TPD52L1: variants seen among roughly 807,000 people sequenced by gnomAD.
TPD52L1 encodes the protein tumor protein D53.
A neutral mutation model predicts 28.7 loss-of-function variants in TPD52L1; 18 were observed. The observed-to-expected ratio is 0.63, with a 90% CI of 0.43 to 0.93. The LOEUF (loss-of-function observed/expected upper bound fraction) is 0.93, where lower values mean the gene tolerates loss of function less well. Among genes scored for constraint, TPD52L1 ranks in the 40% least tolerant of loss-of-function variants. The pLI is 0.00. For missense variants in TPD52L1, 203 were observed against 254.8 expected, an observed-to-expected ratio of 0.80 and a Z score of 1.39; for synonymous variants, 75 against 88.8, an observed-to-expected ratio of 0.84 and a Z score of 0.88.
chr6:125,184,071 A>G (rs950193621), intron 1 of TPD52L1, among the ~76,000 whole-genome samples: 1 of 152,180 alleles, frequency 6.6e-6, no homozygotes, highest in African/African-American at 2.4e-5. Flanking sequence ...TTACAGAGCC[A>G]TGGTAAGTGG....
chr6:125,202,234 G>GA lies in TPD52L1; in HGVS notation c.20-17835dup, dbSNP rs199776161. On this transcript the variant is annotated intron_variant, in intron 1 of 6. Coordinates refer to ENST00000534000, the MANE Select transcript of TPD52L1 (RefSeq NM_003287.4). Reference sequence around the variant, plus strand: ...CTATCCCTTTCTTTAAACATGCCTTGAAAAAAAAAGCTACATTTTGTCCTG... The same window carrying GA: ...CTATCCCTTTCTTTAAACATGCCTTGAAAAAAAAAAGCTACATTTTGTCCTG... Among the ~76,000 whole-genome samples the GA allele has an allele frequency of 1.5e-3, 223 of 150,628 alleles. 2 individuals are homozygous for GA. The East Asian group carries it at 0.022, about 15-fold the overall frequency.
At chr6:125,215,466 A>C (rs1794799715) in intron 1 of TPD52L1, among the ~76,000 whole-genome samples, 2 of 152,204 alleles carry the variant, frequency 1.3e-5, no homozygotes, top group African/African-American at 2.4e-5. Flanking sequence ...CCACTGGGAC[A>C]AGATGTAACA....
intron 2 of TPD52L1, among the ~76,000 whole-genome samples, chr6:125,228,441 T>C (rs1012013872): frequency 1.3e-5 from 2 of 152,240 alleles, no homozygotes; most frequent in Admixed American, 1.3e-4. Context: ...ACATACATCC[T>C]CTAATCCCTT....
intron 6 of TPD52L1, among the ~76,000 whole-genome samples, chr6:125,260,860 GAAAGAAAGA>G (rs1305695111): frequency 1.4e-5 from 2 of 143,808 alleles, no homozygotes; most frequent in Non-Finnish European, 3.0e-5. Flanking sequence ...GTGAGAGAGA[GAAAGAAAGA>G]AAAGAAAGAA....
chr6:125,172,128 C>CT (rs1161979767), intron 1 of TPD52L1, among the ~76,000 whole-genome samples: 1 of 62,126 alleles, frequency 1.6e-5, no homozygotes, highest in African/African-American at 9.1e-5. Flanking sequence ...TTCTTTCTTT[C>CT]TTTCTTTCTT....
intron 1 of TPD52L1, among the ~76,000 whole-genome samples, chr6:125,168,368 C>T: frequency 6.6e-6 from 1 of 152,200 alleles, no homozygotes; most frequent in South Asian, 2.1e-4. Context: ...GGGATATCTT[C>T]TCTTCTTAGT....
At chr6:125,180,512 G>T (rs1792111477) in intron 1 of TPD52L1, among the ~76,000 whole-genome samples, 3 of 151,748 alleles carry the variant, frequency 2.0e-5, no homozygotes, top group South Asian at 4.2e-4. Context: ...CAAATTAAAT[G>T]TGGCACACAG....
intron 3 of TPD52L1, among the ~76,000 whole-genome samples, chr6:125,245,432 T>C (rs771536415): frequency 2.6e-5 from 4 of 152,152 alleles, no homozygotes; most frequent in Non-Finnish European, 4.4e-5. Context: ...AGGGAGGTAT[T>C]CTGGTTTCTC....
At chr6:125,253,434 T>C in intron 4 of TPD52L1, 1 of 460,560 alleles carries the variant, frequency 2.2e-6, no homozygotes, top group Non-Finnish European at 3.9e-6. Context: ...TGGGCTCACC[T>C]GGGAGAAACC....
intron 6 of TPD52L1, among the ~76,000 whole-genome samples, chr6:125,259,357 T>G (rs1324429956): frequency 3.3e-5 from 5 of 152,262 alleles, no homozygotes; most frequent in African/African-American, 4.8e-5. Context: ...CATGTGGCAC[T>G]TGTACCAAAT....
At chr6:125,182,181 T>A (rs1792241234) in intron 1 of TPD52L1, among the ~76,000 whole-genome samples, 1 of 152,174 alleles carries the variant, frequency 6.6e-6, no homozygotes, top group African/African-American at 2.4e-5. Flanking sequence ...TATAAACATA[T>A]ATTACTTGGC....
rs1798156081 is a variant in TPD52L1, at chr6:125,263,169, A to G, written c.*207A>G. 3.4e-6 allele frequency: 2 copies of G among 580,878 alleles called. No individual in the cohort carries two copies. Among genetic ancestry groups the G allele is most frequent in the African/African-American group, 3.7e-5 (2 of 53,466 alleles). 36.0% of individuals were successfully genotyped at this position (580,878 alleles called of 1,614,324 possible). A position where few individuals can be genotyped will look rare whatever the true frequency, so the allele number is the denominator to read the frequency against. On this transcript the variant is annotated 3_prime_UTR_variant, in exon 7 of 7. Transcript: ENST00000534000. Reference sequence around the variant, plus strand: ...ACTTGACCATCACATTTCAGTATTCATAGATGACTGTCACATTTTAAAATG... The same window carrying G: ...ACTTGACCATCACATTTCAGTATTCGTAGATGACTGTCACATTTTAAAATG...
At chr6:125,203,463 G>A (rs778221097) in intron 1 of TPD52L1, among the ~76,000 whole-genome samples, 9 of 152,064 alleles carry the variant, frequency 5.9e-5, no homozygotes, top group Non-Finnish European at 1.3e-4. Context: ...ACAAATAATG[G>A]TTTGAAATAG....
intron 3 of TPD52L1, among the ~76,000 whole-genome samples, chr6:125,241,609 G>A (rs1796615599): frequency 6.6e-6 from 1 of 151,968 alleles, no homozygotes. Flanking sequence ...TAGTTTGTGT[G>A]CATGAAGGTA....
intron 3 of TPD52L1, among the ~76,000 whole-genome samples, chr6:125,230,548 A>G (rs1260278550): frequency 1.3e-5 from 2 of 152,164 alleles, no homozygotes; most frequent in Non-Finnish European, 2.9e-5. Flanking sequence ...AAGAGGTACC[A>G]ATAATTGACA....
intron 1 of TPD52L1, among the ~76,000 whole-genome samples, chr6:125,163,591 A>C (rs1790670121): frequency 6.6e-6 from 1 of 151,574 alleles, no homozygotes; most frequent in Admixed American, 6.6e-5. Context: ...CTAAAAAAAA[A>C]AAAAAAGAAC....
chr6:125,239,979 A>G (rs534602604), intron 3 of TPD52L1, among the ~76,000 whole-genome samples: 1 of 152,308 alleles, frequency 6.6e-6, no homozygotes, highest in East Asian at 1.9e-4. Context: ...TAAGTCTCAC[A>G]TTCATCTTGA....
chr6:125,209,737 G>C (rs1049571763), intron 1 of TPD52L1, among the ~76,000 whole-genome samples: 1 of 152,118 alleles, frequency 6.6e-6, no homozygotes, highest in Non-Finnish European at 1.5e-5. Context: ...AGGGGGCTGG[G>C]CTCAGGGAAA....
At chr6:125,257,044 G>A in intron 5 of TPD52L1, 54 bp from the exon 6 acceptor site, 1 of 1,507,134 alleles carries the variant, frequency 6.6e-7, no homozygotes, top group Non-Finnish European at 9.1e-7. Flanking sequence ...AAACAGCATG[G>A]TTGCTAAGAC....
Sources: gnomAD v4.1 joint callset for allele counts (sites outside exome capture counted in the v4.1 genomes callset) on GRCh38, gnomAD v4.1.1 for gene constraint, MANE v1.5 for transcripts, NCBI Gene and HGNC (gene_info 2026-07-23, HGNC 2026-07-21) for gene names.